Variants in OCA2 observed in about 807,000 individuals in gnomAD.
OCA2 encodes the protein P protein.
A neutral mutation model predicts 100.2 loss-of-function variants in OCA2; 77 were observed. That is an observed-to-expected ratio of 0.77 (90% CI 0.64 to 0.93). OCA2 has a LOEUF of 0.93. Ranked by LOEUF, OCA2 falls within the 40% of genes least tolerant of loss-of-function variation. OCA2 has a pLI of 0.00. For synonymous variants in OCA2, 432 were observed against 439.2 expected (o/e 0.98, Z 0.21); for missense variants, 1,062 against 1,089.1 (o/e 0.98, Z 0.35).
intron 19 of OCA2, among the ~76,000 whole-genome samples, chr15:27,910,989 A>G (rs142659107): frequency 6.6e-6 from 1 of 152,222 alleles, no homozygotes; most frequent in African/African-American, 2.4e-5. Context: ...AAGAAAAGAA[A>G]AGAAATACAA....
chr15:27,919,349 C>T (rs1025847831), intron 19 of OCA2, among the ~76,000 whole-genome samples: 4 of 151,984 alleles, frequency 2.6e-5, no homozygotes, highest in Non-Finnish European at 5.9e-5. Flanking sequence ...TTAAAATTGC[C>T]AAAACTTGGA....
chr15:27,822,948 A>G (rs1014225680), intron 23 of OCA2, among the ~76,000 whole-genome samples: 9 of 152,328 alleles, frequency 5.9e-5, no homozygotes, highest in African/African-American at 2.2e-4. Flanking sequence ...TGTTTATCAA[A>G]TGTTGTCCTA....
At chr15:27,786,556 T>C (rs1282828816) in intron 23 of OCA2, among the ~76,000 whole-genome samples, 2 of 152,232 alleles carry the variant, frequency 1.3e-5, no homozygotes, top group East Asian at 3.9e-4. Context: ...TGAATAGAAT[T>C]GTTTTCTTAA....
At chr15:27,946,401 C>T (rs1380319111) in intron 18 of OCA2, among the ~76,000 whole-genome samples, 2 of 152,218 alleles carry the variant, frequency 1.3e-5, no homozygotes, top group Non-Finnish European at 2.9e-5. Flanking sequence ...CAGCCAATCC[C>T]CGCAGCCATA....
chr15:27,962,730 A>G (rs2040446128), intron 15 of OCA2, among the ~76,000 whole-genome samples: 1 of 152,242 alleles, frequency 6.6e-6, no homozygotes, highest in Admixed American at 6.5e-5. Flanking sequence ...ATTCAAAAGA[A>G]GGCATAAATG....
chr15:27,828,886 C>A (rs1482395273), intron 23 of OCA2, among the ~76,000 whole-genome samples: 1 of 152,162 alleles, frequency 6.6e-6, no homozygotes. Flanking sequence ...AATGCTGGGG[C>A]TCTGCCGCCC....
chr15:28,096,048 G>C (rs1445586182), intron 1 of OCA2, among the ~76,000 whole-genome samples: 1 of 152,170 alleles, frequency 6.6e-6, no homozygotes, highest in Non-Finnish European at 1.5e-5. Context: ...TGTGTCTCTC[G>C]GAGCACGGCC....
At chr15:28,012,409 C>G (rs1222421473) in intron 9 of OCA2, among the ~76,000 whole-genome samples, 1 of 152,160 alleles carries the variant, frequency 6.6e-6, no homozygotes, top group African/African-American at 2.4e-5. Context: ...TCTGGGAGGT[C>G]TTGGGCTGCC....
chr15:27,921,767 C>G (rs1396229050), intron 19 of OCA2, among the ~76,000 whole-genome samples: 1 of 152,184 alleles, frequency 6.6e-6, no homozygotes, highest in Non-Finnish European at 1.5e-5. Context: ...GTGGCACAAT[C>G]GTGGCTCACT....
chr15:27,809,801 T>C (rs1464195108), intron 23 of OCA2, among the ~76,000 whole-genome samples: 2 of 152,166 alleles, frequency 1.3e-5, no homozygotes, highest in African/African-American at 4.8e-5. Flanking sequence ...CCTAGGAATA[T>C]ATTTAACCAA....
At chr15:28,032,247 T>G (rs2042927115) in intron 2 of OCA2, 84 bp from the exon 3 acceptor site, 4 of 1,044,264 alleles carry the variant, frequency 3.8e-6, no homozygotes, top group Non-Finnish European at 6.0e-6. Flanking sequence ...GATTCAAGAA[T>G]GTGCCCAAGA....
chr15:27,719,650 G>T, the OCA2 span, among the ~76,000 whole-genome samples: 1 of 152,084 alleles, frequency 6.6e-6, no homozygotes, highest in African/African-American at 2.4e-5. Flanking sequence ...TCTATTGCTT[G>T]GTATTTACTC....
chr15:27,795,226 C>CCCTT (rs1411710136), intron 23 of OCA2, among the ~76,000 whole-genome samples: 1 of 152,150 alleles, frequency 6.6e-6, no homozygotes, highest in Non-Finnish European at 1.5e-5. Context: ...CCGTACTGAA[C>CCCTT]CCTTATTTAA....
At chr15:27,953,930 TC>T (rs1393118436) in intron 17 of OCA2, among the ~76,000 whole-genome samples, 1 of 151,860 alleles carries the variant, frequency 6.6e-6, no homozygotes, top group Non-Finnish European at 1.5e-5. Context: ...TCCCCTCAAG[TC>T]CCCAAAGTCC....
At chr15:27,951,056 T>C (rs144652650) in intron 18 of OCA2, among the ~76,000 whole-genome samples, 7 of 152,298 alleles carry the variant, frequency 4.6e-5, no homozygotes, top group African/African-American at 1.7e-4. Flanking sequence ...TCAATAAGGA[T>C]ACCAATGGAG....
chr15:27,775,840 C>T (rs891763797), intron 23 of OCA2: 2 of 152,262 alleles, frequency 1.3e-5, no homozygotes, highest in Non-Finnish European at 2.9e-5. Context: ...TGTGGCCAGA[C>T]TGGATGAGGG....
At chr15:28,097,326 A>G (rs1336859672) in intron 1 of OCA2, among the ~76,000 whole-genome samples, 1 of 152,216 alleles carries the variant, frequency 6.6e-6, no homozygotes, top group Non-Finnish European at 1.5e-5. Flanking sequence ...CAGAACCCCA[A>G]ATGGAAACTG....
At chr15:28,093,290 C>A (rs1322770941) in intron 1 of OCA2, among the ~76,000 whole-genome samples, 3 of 151,742 alleles carry the variant, frequency 2.0e-5, no homozygotes, top group African/African-American at 7.3e-5. Flanking sequence ...GGTGTGGTGG[C>A]GGGCGCCTGT....
At chr15:27,761,460 TA>T (rs984895392) in intron 23 of OCA2, among the ~76,000 whole-genome samples, 215 of 139,974 alleles carry the variant, frequency 1.5e-3, no homozygotes, top group East Asian at 7.2e-3. Flanking sequence ...AAATGGTGAT[TA>T]AAAAAAAAAA....
Sources: allele counts gnomAD v4.1 joint callset (sites outside exome capture counted in the v4.1 genomes callset), GRCh38; gene constraint gnomAD v4.1.1; transcripts MANE v1.5; gene names NCBI Gene and HGNC (gene_info 2026-07-23, HGNC 2026-07-21).